RAP1GAP2: variants seen among roughly 807,000 people sequenced by gnomAD.
RAP1GAP2 encodes RAP1 GTPase activating protein 2.
In RAP1GAP2, 27 loss-of-function variants were observed where a neutral mutation model predicts 95.0. That is an observed-to-expected ratio of 0.28 (90% CI 0.21 to 0.39). RAP1GAP2 has a LOEUF of 0.39. RAP1GAP2 is among the 10% of genes least tolerant of loss of function. RAP1GAP2 has a pLI of 1.00. For synonymous variants in RAP1GAP2, 373 were observed against 380.9 expected (o/e 0.98, Z 0.24); for missense variants, 771 against 970.0 (o/e 0.79, Z 2.72).
At chr17:2,801,246 G>A (rs1367682391) in intron 2 of RAP1GAP2, among the ~76,000 whole-genome samples, 8 of 151,574 alleles carry the variant, frequency 5.3e-5, no homozygotes, top group African/African-American at 1.7e-4. Flanking sequence ...AGGCCGAGGT[G>A]GGTGGATCAC....
At chr17:2,759,153 C>A (rs2071201505) in intron 1 of RAP1GAP2, among the ~76,000 whole-genome samples, 1 of 152,048 alleles carries the variant, frequency 6.6e-6, no homozygotes, top group Non-Finnish European at 1.5e-5. Context: ...AGTCATCATT[C>A]CTTTACCTAA....
At chr17:2,762,101 T>C (rs900414367) in intron 1 of RAP1GAP2, among the ~76,000 whole-genome samples, 3 of 145,104 alleles carry the variant, frequency 2.1e-5, no homozygotes, top group South Asian at 2.4e-4. Context: ...CCATTCTCTA[T>C]CTCAGCCTCC....
At chr17:2,865,328 A>G (rs558732352) in intron 2 of RAP1GAP2, among the ~76,000 whole-genome samples, 2 of 152,128 alleles carry the variant, frequency 1.3e-5, no homozygotes, top group Non-Finnish European at 2.9e-5. Context: ...AAAGGAAGGG[A>G]TCAGATGGGT....
chr17:2,803,813 A>C (rs2069401266), intron 2 of RAP1GAP2, among the ~76,000 whole-genome samples: 1 of 152,210 alleles, frequency 6.6e-6, no homozygotes, highest in Non-Finnish European at 1.5e-5. Flanking sequence ...CAGGAGGTGG[A>C]GGTTACCATG....
rs2047472083 is a variant in RAP1GAP2, at chr17:3,036,594, G to A, written c.*3233G>A. The A allele has an allele frequency of 6.6e-6, 1 of 152,284 alleles. No homozygotes were observed. The highest frequency in any genetic ancestry group is 2.4e-5 in the African/African-American group (1 of 41,454). The allele number at this position is 152,284 out of a possible 1,614,324, so 9.4% of individuals were successfully genotyped here. A position where few individuals can be genotyped will look rare whatever the true frequency, so the allele number is the denominator to read the frequency against. On this transcript the variant is annotated 3_prime_UTR_variant, in exon 25 of 25. Coordinates refer to ENST00000254695, the MANE Select transcript of RAP1GAP2 (RefSeq NM_015085.5). ...AACCAAGAAAACGAGGAGGGAAAGG[G>A]ATTCAGTGAACTATTCCTCAGTGGG...
intron 1 of RAP1GAP2, among the ~76,000 whole-genome samples, chr17:2,766,647 G>T (rs1296751356): frequency 6.6e-6 from 1 of 152,008 alleles, no homozygotes; most frequent in Admixed American, 6.6e-5. Context: ...TGGGATTAGT[G>T]TCTGTATACG....
At chr17:2,995,261 T>C (rs2045912366) in intron 12 of RAP1GAP2, 76 bp from the exon 13 acceptor site, 1 of 1,510,760 alleles carries the variant, frequency 6.6e-7, no homozygotes, top group African/African-American at 1.4e-5. Flanking sequence ...TGCGTATACT[T>C]AGGGGAGCTT....
chr17:2,891,288 T>G (rs2073706126), intron 2 of RAP1GAP2, among the ~76,000 whole-genome samples: 1 of 151,858 alleles, frequency 6.6e-6, no homozygotes, highest in Non-Finnish European at 1.5e-5. Context: ...GCTGGGACCA[T>G]GGGTGCTTGC....
chr17:3,005,998 C>G lies in RAP1GAP2; in HGVS notation c.1316C>G (p.Ala439Gly), dbSNP rs2046318852. 1 of 1,613,910 alleles carries G rather than the reference C, an allele frequency of 6.2e-7. No homozygotes were observed. Among genetic ancestry groups the G allele is most frequent in the Non-Finnish European group, 8.5e-7 (1 of 1,179,874 alleles). Residue 439 changes from alanine (A) to glycine (G), a missense_variant, in exon 16 of 25, where the codon GCC becomes GGC. Coordinates refer to ENST00000254695, the MANE Select transcript of RAP1GAP2 (RefSeq NM_015085.5). The surrounding 1 kb of genome is among the most constrained non-coding windows in gnomAD (Gnocchi z 5.2). The part of the protein sequence containing the change: ...REFLLTKLTN[A>G]ENACCKSDKF... Reference sequence around the variant, plus strand: ...TTTCTGCTCACCAAGCTCACCAATGCCGAGAACGCCTGCTGCAAGTCGGAC... The same window carrying G: ...TTTCTGCTCACCAAGCTCACCAATGGCGAGAACGCCTGCTGCAAGTCGGAC...
At chr17:2,995,916 A>C (rs1417468303) in intron 13 of RAP1GAP2, among the ~76,000 whole-genome samples, 6 of 151,664 alleles carry the variant, frequency 4.0e-5, no homozygotes, top group African/African-American at 1.5e-4. Flanking sequence ...GGAGCGTGTG[A>C]CTCTGGGCAA....
At position 2,904,797 on chromosome 17, in the gene RAP1GAP2, CAGGGACCA is replaced by C. The variant is rs2042145588; in HGVS notation, c.81-486_81-479del. Among the ~76,000 whole-genome samples, 2 of 152,088 alleles carry C rather than the reference CAGGGACCA, an allele frequency of 1.3e-5. No homozygotes were observed. Among genetic ancestry groups the C allele is most frequent in the African/African-American group, 4.8e-5 (2 of 41,408 alleles). On this transcript the variant is annotated intron_variant, in intron 2 of 24. Coordinates refer to ENST00000254695, the MANE Select transcript of RAP1GAP2 (RefSeq NM_015085.5). The surrounding 1 kb of genome is among the most constrained non-coding windows in gnomAD (Gnocchi z 4.7). ...GAGTTCCCAGGTGCCGCTGGTGGTC[CAGGGACCA>C]TACTTAGAGTAGCACTGCTTTAGAT...
intron 11 of RAP1GAP2, among the ~76,000 whole-genome samples, chr17:2,987,309 G>A (rs924433861): frequency 3.9e-5 from 6 of 152,082 alleles, no homozygotes; most frequent in Non-Finnish European, 7.4e-5. Context: ...ATATTTTAAC[G>A]AAATATTTTC....
intron 1 of RAP1GAP2, among the ~76,000 whole-genome samples, chr17:2,780,450 G>A (rs563545995): frequency 3.3e-4 from 51 of 152,356 alleles, no homozygotes; most frequent in African/African-American, 1.1e-3. Context: ...TTCCTGTTAT[G>A]AGCGGCGATT....
rs1221028390 is a variant in RAP1GAP2 at position 2,964,081 on chromosome 17, G to A, written c.492+13G>A. ...CTTCCTGGGGAAGGTGAGGCTGGGGGAGAGGAGCTGCTGGGGGTTGGGGGC... is the reference window on the plus strand; with the variant it reads ...CTTCCTGGGGAAGGTGAGGCTGGGGAAGAGGAGCTGCTGGGGGTTGGGGGC... On this transcript the variant is annotated intron_variant, in intron 7 of 24. Transcript: ENST00000254695. 7 of 1,601,078 alleles carry A rather than the reference G, an allele frequency of 4.4e-6. No homozygotes were observed. Among genetic ancestry groups the A allele is most frequent in the South Asian group, 1.1e-5 (1 of 89,992 alleles).
chr17:2,911,167 G>C (rs1291863464), intron 3 of RAP1GAP2, among the ~76,000 whole-genome samples: 1 of 151,540 alleles, frequency 6.6e-6, no homozygotes, highest in African/African-American at 2.4e-5. Flanking sequence ...TCTCTGCCGC[G>C]CTCCCCCCGG....
chr17:2,760,292 CAA>C (rs374784170), intron 1 of RAP1GAP2, among the ~76,000 whole-genome samples: 13,180 of 58,458 alleles, frequency 0.23, 354 homozygotes, highest in East Asian at 0.29. Flanking sequence ...GACTCTGTCT[CAA>C]AAAAAAAAAA....
chr17:2,963,871 G>A lies in RAP1GAP2; in HGVS notation c.295G>A (p.Gly99Ser). ...PSIDEVVEKG[G>S]PYPQVILPQF... ...CTGCCTTCAGGTTGTGGAGAAGGGA[G>A]GCCCGTACCCTCAGGTCATCCTGCC... Residue 99 changes from glycine (G) to serine (S), a missense_variant, in exon 7 of 25, where the codon GGC (glycine) becomes AGC (serine). Transcript: ENST00000254695. This position sits in a 1 kb window ranked among gnomAD's most constrained non-coding sequence, Gnocchi z 4.8. 6.2e-7 allele frequency: 1 copy of A among 1,607,678 alleles called. No homozygotes were observed. The highest frequency in any genetic ancestry group is 8.5e-7 in the Non-Finnish European group (1 of 1,177,170).
At chr17:2,987,468 A>T (rs539369647) in intron 11 of RAP1GAP2, among the ~76,000 whole-genome samples, 118 of 152,094 alleles carry the variant, frequency 7.8e-4, no homozygotes, top group African/African-American at 2.4e-3. Context: ...GGTTCAAGCA[A>T]TTCTGCCTCA....
At chr17:2,924,306 G>C (rs2042885005) in intron 3 of RAP1GAP2, among the ~76,000 whole-genome samples, 1 of 152,170 alleles carries the variant, frequency 6.6e-6, no homozygotes, top group Admixed American at 6.5e-5. Context: ...GTTCCGAGCC[G>C]AGGCTCAGTT....
Sources: gnomAD v4.1 joint callset for allele counts (sites outside exome capture counted in the v4.1 genomes callset) on GRCh38, gnomAD v4.1.1 for gene constraint, Gnocchi (gnomAD v3.1) non-coding constraint, MANE v1.5 for transcripts, NCBI Gene and HGNC (gene_info 2026-07-23, HGNC 2026-07-21) for gene names.